The following SEL1L2 variants were observed in gnomAD, a reference collection of about 807,000 sequenced individuals.
SEL1L2 encodes the protein SEL1L2 adaptor subunit of SYVN1 ubiquitin ligase, also known as protein sel-1 homolog 2.
SEL1L2 carries 89 observed loss-of-function variants against 98.8 expected under a neutral mutation model. That is an observed-to-expected ratio of 0.90 (90% CI 0.76 to 1.07). The LOEUF is 1.07. SEL1L2 is among the 50% of genes least tolerant of loss of function. The pLI is 0.00. For missense variants in SEL1L2, 788 were observed against 812.0 expected, an observed-to-expected ratio of 0.97 and a Z score of 0.36; for synonymous variants, 262 against 278.5, an observed-to-expected ratio of 0.94 and a Z score of 0.59.
intron 12 of SEL1L2, among the ~76,000 whole-genome samples, chr20:13,874,828 A>G (rs1381565737): frequency 6.6e-6 from 1 of 152,206 alleles, no homozygotes; most frequent in East Asian, 1.9e-4. Flanking sequence ...TCCTGGTTTG[A>G]GCACATCTTT....
intron 5 of SEL1L2, among the ~76,000 whole-genome samples, chr20:13,890,378 TTA>T: frequency 6.6e-6 from 1 of 151,592 alleles, no homozygotes; most frequent in East Asian, 1.9e-4. Context: ...GAGAAAGAGA[TTA>T]TAAACTCCTG....
rs565529812 is a variant in SEL1L2 at position 13,884,859 on chromosome 20, T to C, written c.957+488A>G. ...GATAAGGTAAGGTTAAGCAAAATGA[T>C]TGAAAAGAGCTTTGCAAATGTATAA... On this transcript the variant is annotated intron_variant, in intron 10 of 19. Coordinates refer to ENST00000284951, the MANE Select transcript of SEL1L2 (RefSeq NM_025229.2). Among the ~76,000 whole-genome samples the C allele has an allele frequency of 2.6e-5, 4 of 152,280 alleles. No individual in the cohort carries two copies. The South Asian group carries it at 8.3e-4, about 32-fold the overall frequency.
At chr20:13,861,918 G>A (rs912848246) in intron 17 of SEL1L2, among the ~76,000 whole-genome samples, 1 of 152,088 alleles carries the variant, frequency 6.6e-6, no homozygotes, top group Non-Finnish European at 1.5e-5. Flanking sequence ...GGCCGTCTCC[G>A]ACTACCTTGT....
At chr20:13,991,342 G>A (rs2052526337), upstream of SEL1L2, among the ~76,000 whole-genome samples, 1 of 152,106 alleles carries the variant, frequency 6.6e-6, no homozygotes, top group African/African-American at 2.4e-5. Context: ...CCTTTTATTA[G>A]TTTCCCATTG....
rs765561040 is a variant in SEL1L2, at chr20:13,850,228, T to C, written c.1910A>G (p.Glu637Gly). 1.2e-6 allele frequency: 2 copies of C among 1,614,026 alleles called. No homozygotes were observed. Among genetic ancestry groups the C allele is most frequent in the Admixed American group, 1.7e-5 (1 of 60,012 alleles). The change falls in exon 19 of 20, where the codon GAA (glutamate) becomes GGA (glycine). Residue 637 changes from glutamate (E) to glycine (G), a missense_variant. Physicochemically the swap from Glu to Gly is moderately conservative, Grantham distance 98. Coordinates refer to ENST00000284951, the MANE Select transcript of SEL1L2 (RefSeq NM_025229.2). ...IPVLFAVMKL[E>G]TTHLLRDILF... ...GATATCCCGGAGCAAATGCGTAGTT[T>C]CCAGTTTCATGACGGCAAAGAGCAC...
At chr20:13,964,446 CA>C (rs1569053266) in intron 1 of SEL1L2, among the ~76,000 whole-genome samples, 3 of 105,360 alleles carry the variant, frequency 2.8e-5, no homozygotes, top group Non-Finnish European at 1.9e-5. Flanking sequence ...GCTATCTCTT[CA>C]TTTTTTTTTT....
intron 12 of SEL1L2, among the ~76,000 whole-genome samples, chr20:13,875,134 C>G (rs2046376812): frequency 6.6e-6 from 1 of 152,206 alleles, no homozygotes; most frequent in Non-Finnish European, 1.5e-5. Context: ...GTTCACTCCA[C>G]TTTACTGGCC....
At chr20:13,980,008 A>G (rs537075763) in intron 1 of SEL1L2, among the ~76,000 whole-genome samples, 1 of 152,364 alleles carries the variant, frequency 6.6e-6, no homozygotes, top group African/African-American at 2.4e-5. Context: ...ACTAAATAGG[A>G]AGAAAACAAA....
At chr20:13,963,088 A>G (rs1295392982) in intron 1 of SEL1L2, among the ~76,000 whole-genome samples, 2 of 93,978 alleles carry the variant, frequency 2.1e-5, no homozygotes, top group Non-Finnish European at 4.8e-5. Context: ...AAGAGGAAGA[A>G]GAAGAAGAAA....
At chr20:13,952,934 C>T (rs149257384) in intron 2 of SEL1L2, among the ~76,000 whole-genome samples, 1,804 of 152,234 alleles carry the variant, frequency 0.012, 17 homozygotes, top group Non-Finnish European at 0.015. Flanking sequence ...GAAGCTGAGG[C>T]GGGAGAATCG....
intron 5 of SEL1L2, among the ~76,000 whole-genome samples, chr20:13,902,015 T>G (rs932206591): frequency 6.6e-6 from 1 of 152,084 alleles, no homozygotes; most frequent in African/African-American, 2.4e-5. Flanking sequence ...ATGAAGAAAT[T>G]TCCAGAAAAA....
intron 5 of SEL1L2, 150 bp downstream of exon 5, chr20:13,913,632 T>C (rs2048291057): frequency 1.6e-6 from 1 of 609,440 alleles, no homozygotes. Flanking sequence ...ACTCCTGCCC[T>C]GACACCACTG....
intron 2 of SEL1L2, among the ~76,000 whole-genome samples, chr20:13,939,040 G>GTTTTGTTTTTTTTTTTTTTTTTTTTTTT (rs2049605907): frequency 1.8e-5 from 2 of 114,072 alleles, no homozygotes; most frequent in African/African-American, 6.9e-5. Context: ...TGCTTGTTTT[G>GTTTTGTTTTTTTTTTTTTTTTTTTTTTT]TTTTTTTTTT....
intron 1 of SEL1L2, among the ~76,000 whole-genome samples, chr20:13,971,143 C>A (rs530030498): frequency 1.3e-5 from 2 of 151,828 alleles, no homozygotes; most frequent in African/African-American, 4.8e-5. Flanking sequence ...TAAAAAAAAT[C>A]TTTAGGAATT....
chr20:13,978,876 T>C (rs957781277), intron 1 of SEL1L2, among the ~76,000 whole-genome samples: 7 of 152,072 alleles, frequency 4.6e-5, no homozygotes, highest in Non-Finnish European at 7.4e-5. Flanking sequence ...CTGCCCAACA[T>C]GGCAAAACCC....
chr20:13,916,778 C>T (rs1452264723), intron 4 of SEL1L2, among the ~76,000 whole-genome samples: 3 of 152,024 alleles, frequency 2.0e-5, no homozygotes, highest in Non-Finnish European at 4.4e-5. Context: ...TGCATTCCAG[C>T]CTGGGCAACA....
intron 2 of SEL1L2, among the ~76,000 whole-genome samples, chr20:13,939,777 A>G (rs536428384): frequency 6.6e-6 from 1 of 151,002 alleles, no homozygotes; most frequent in East Asian, 2.0e-4. Flanking sequence ...AGCAATTCTC[A>G]TGCCTCAGCC....
chr20:13,893,560 C>T (rs1260501407), intron 5 of SEL1L2, among the ~76,000 whole-genome samples: 1 of 152,004 alleles, frequency 6.6e-6, no homozygotes, highest in East Asian at 1.9e-4. Context: ...GAAAGTAACG[C>T]AACAGTAGGA....
rs938592916 is a variant in SEL1L2 at position 13,984,229 on chromosome 20, C to T, written c.58+6248G>A. 2.6e-5 allele frequency among the ~76,000 whole-genome samples: 4 copies of T among 152,032 alleles called. No homozygotes were observed. The East Asian group carries it at 5.8e-4, about 22-fold the overall frequency. ...GTTTCACCATGTTGGCCAGGCTTGT[C>T]TCGAACTCCTGACCTCAGGTGATCT... On this transcript the variant is annotated intron_variant, in intron 1 of 19. Transcript: ENST00000284951.
Sources: allele counts gnomAD v4.1 joint callset (sites outside exome capture counted in the v4.1 genomes callset), GRCh38; gene constraint gnomAD v4.1.1; transcripts MANE v1.5; gene names NCBI Gene and HGNC (gene_info 2026-07-23, HGNC 2026-07-21).